The following GRID2 variants were observed in gnomAD, a reference collection of about 807,000 sequenced individuals.
The protein encoded by GRID2 is glutamate receptor ionotropic, delta-2.
Under a neutral mutation model 114.8 loss-of-function variants are expected in GRID2, and 33 were observed. The observed-to-expected ratio is 0.29, with a 90% confidence interval of 0.22 to 0.38. The LOEUF is 0.38. Among genes scored for constraint, GRID2 ranks in the 10% least tolerant of loss-of-function variants. The probability of loss-of-function intolerance (pLI) is 1.00; values close to 1 mark genes in which losing one functional copy is unlikely to be tolerated. For synonymous variants in GRID2, 505 were observed against 449.9 expected (o/e 1.12, Z -1.55); for missense variants, 1,184 against 1,257.7 (o/e 0.94, Z 0.89).
intron 1 of GRID2, among the ~76,000 whole-genome samples, chr4:92,367,901 T>A (rs915826577): frequency 6.6e-6 from 1 of 151,126 alleles, no homozygotes; most frequent in Non-Finnish European, 1.5e-5. Context: ...AAATGATCTC[T>A]TGAAAATGAA....
chr4:93,079,933 CT>C (rs2149316329), intron 2 of GRID2, among the ~76,000 whole-genome samples: 1 of 152,078 alleles, frequency 6.6e-6, no homozygotes, highest in Non-Finnish European at 1.5e-5. Context: ...AATATTTTTT[CT>C]GTATTTTCAC....
chr4:93,658,939 A>G (rs1009547067), intron 14 of GRID2, among the ~76,000 whole-genome samples: 1 of 152,146 alleles, frequency 6.6e-6, no homozygotes, highest in Non-Finnish European at 1.5e-5. Flanking sequence ...CATGGCTCAG[A>G]GGATAAGTTT....
intron 10 of GRID2, among the ~76,000 whole-genome samples, chr4:93,436,766 A>G (rs1721122440): frequency 6.6e-6 from 1 of 152,268 alleles, no homozygotes; most frequent in African/African-American, 2.4e-5. Flanking sequence ...TCACTGCTAC[A>G]TGAAGTAAAA....
intron 2 of GRID2, among the ~76,000 whole-genome samples, chr4:92,995,588 C>T (rs1202125451): frequency 2.0e-5 from 3 of 152,040 alleles, no homozygotes; most frequent in Admixed American, 2.0e-4. Context: ...AAGAGTTTCA[C>T]AATACCAAAA....
Position 92,813,193 on chromosome 4 carries a change from A to C in GRID2, c.244+222907A>C, listed in dbSNP as rs146052118. Among the ~76,000 whole-genome samples the C allele has an allele frequency of 1.7e-3, 264 of 152,268 alleles. 1 individual carries two copies. The highest frequency in any genetic ancestry group is 3.4e-3 in the Middle Eastern group (1 of 294). On this transcript the variant is annotated intron_variant, in intron 2 of 15. Transcript: ENST00000282020. Reference sequence around the variant, plus strand: ...TTCCTGGTCACCCACTGTTTTGGTCAATTTAGGCTGCTATAGCAAATTACC... The same window carrying C: ...TTCCTGGTCACCCACTGTTTTGGTCCATTTAGGCTGCTATAGCAAATTACC...
chr4:93,617,699 A>G (rs17020861), intron 13 of GRID2, among the ~76,000 whole-genome samples: 20,548 of 152,182 alleles, frequency 0.14, 1,779 homozygotes, highest in Non-Finnish European at 0.19. Context: ...TTATCTTGGT[A>G]TCGAGATGAT....
chr4:92,457,539 C>T (rs1019802051), intron 1 of GRID2, among the ~76,000 whole-genome samples: 2 of 152,028 alleles, frequency 1.3e-5, no homozygotes, highest in African/African-American at 4.8e-5. Context: ...AAGTATTTAG[C>T]TGACTTGATT....
intron 12 of GRID2, among the ~76,000 whole-genome samples, chr4:93,504,094 T>C (rs1169673754): frequency 6.6e-6 from 1 of 152,126 alleles, no homozygotes; most frequent in Non-Finnish European, 1.5e-5. Context: ...CATGGTAACT[T>C]ATTTCTCCTA....
intron 1 of GRID2, among the ~76,000 whole-genome samples, chr4:93,790,115 C>T (rs1444933305): frequency 3.3e-5 from 5 of 150,490 alleles, no homozygotes; most frequent in African/African-American, 1.2e-4. Context: ...ACCCCCACCC[C>T]ACCCCTACCC....
chr4:93,539,143 T>G (rs1282593875), intron 13 of GRID2, among the ~76,000 whole-genome samples: 2 of 151,914 alleles, frequency 1.3e-5, no homozygotes, highest in Non-Finnish European at 2.9e-5. Flanking sequence ...CATGAACTGT[T>G]ATTTCTGACT....
intron 2 of GRID2, among the ~76,000 whole-genome samples, chr4:92,859,951 A>G (rs1744417826): frequency 6.6e-6 from 1 of 152,126 alleles, no homozygotes; most frequent in Non-Finnish European, 1.5e-5. Flanking sequence ...CATCACCATC[A>G]AAAATATTTT....
At chr4:92,654,316 C>T (rs1442898046) in intron 2 of GRID2, among the ~76,000 whole-genome samples, 3 of 151,958 alleles carry the variant, frequency 2.0e-5, no homozygotes, top group Non-Finnish European at 4.4e-5. Context: ...ACTTCATTCT[C>T]ATGAGGTCAT....
intron 1 of GRID2, among the ~76,000 whole-genome samples, chr4:92,417,378 T>C (rs1380721770): frequency 6.6e-6 from 1 of 152,060 alleles, no homozygotes; most frequent in Non-Finnish European, 1.5e-5. Flanking sequence ...CCAAAATTCA[T>C]GTGTTGGAAA....
chr4:93,808,360 C>A (rs573164499), exon 2 of GRID2: 3 of 152,190 alleles, frequency 2.0e-5, no homozygotes, highest in Non-Finnish European at 4.4e-5. Context: ...TATACTGTAC[C>A]TACCTCACAG....
At chr4:93,521,369 C>T (rs1308224490) in intron 13 of GRID2, among the ~76,000 whole-genome samples, 1 of 151,974 alleles carries the variant, frequency 6.6e-6, no homozygotes, top group East Asian at 1.9e-4. Context: ...TTAGAGGAGG[C>T]AGAGACAGAG....
intron 8 of GRID2, among the ~76,000 whole-genome samples, chr4:93,357,108 A>G (rs1300637013): frequency 6.6e-6 from 1 of 151,598 alleles, no homozygotes; most frequent in Non-Finnish European, 1.5e-5. Flanking sequence ...AAGGTTTTTC[A>G]TATTAAGTAA....
chr4:93,176,062 A>G (rs1257933000), intron 4 of GRID2, among the ~76,000 whole-genome samples: 2 of 152,252 alleles, frequency 1.3e-5, no homozygotes, highest in African/African-American at 4.8e-5. Flanking sequence ...AAAGCAAATT[A>G]TAATTATTGG....
At chr4:93,089,087 G>A (rs1007894329) in intron 3 of GRID2, among the ~76,000 whole-genome samples, 2 of 152,074 alleles carry the variant, frequency 1.3e-5, no homozygotes, top group African/African-American at 4.8e-5. Flanking sequence ...TGAAAAAGCT[G>A]AAGTAGTGGG....
At chr4:92,932,238 A>T (rs1263153006) in intron 2 of GRID2, among the ~76,000 whole-genome samples, 2 of 151,458 alleles carry the variant, frequency 1.3e-5, no homozygotes, top group East Asian at 3.8e-4. Context: ...ACACATTAAA[A>T]AATGGTCAAA....
Sources: allele counts gnomAD v4.1 joint callset (sites outside exome capture counted in the v4.1 genomes callset), GRCh38; gene constraint gnomAD v4.1.1; transcripts MANE v1.5; gene names NCBI Gene and HGNC (gene_info 2026-07-23, HGNC 2026-07-21).